TMEM132C: variants seen among roughly 807,000 people sequenced by gnomAD.
TMEM132C encodes transmembrane protein 132C, also known as protein phosphatase 1, regulatory subunit 152.
A neutral mutation model predicts 61.4 loss-of-function variants in TMEM132C; 29 were observed. The observed-to-expected ratio is 0.47, with a 90% CI of 0.35 to 0.64. TMEM132C has a LOEUF of 0.64. Ranked by LOEUF, TMEM132C falls within the 30% of genes least tolerant of loss-of-function variation. The pLI is 0.00. For missense variants in TMEM132C, 1,408 were observed against 1,476.9 expected, an observed-to-expected ratio of 0.95 and a Z score of 0.76; for synonymous variants, 656 against 633.1, an observed-to-expected ratio of 1.04 and a Z score of -0.54.
chr12:128,346,914 A>C (rs553496793), intron 1 of TMEM132C, among the ~76,000 whole-genome samples: 1 of 152,200 alleles, frequency 6.6e-6, no homozygotes, highest in South Asian at 2.1e-4. Context: ...TCTCAAAATC[A>C]GGAACTCTTT....
At chr12:128,639,684 T>G (rs1593129746) in intron 4 of TMEM132C, among the ~76,000 whole-genome samples, 1 of 152,210 alleles carries the variant, frequency 6.6e-6, no homozygotes, top group South Asian at 2.1e-4. Flanking sequence ...GGGAATAGAC[T>G]GCGGTCTTCC....
At chr12:128,594,573 C>T (rs1875880028) in intron 3 of TMEM132C, among the ~76,000 whole-genome samples, 1 of 152,194 alleles carries the variant, frequency 6.6e-6, no homozygotes. Context: ...CACCCTCCCT[C>T]CCAAGCAAGG....
chr12:128,483,712 G>A (rs2136093405), intron 2 of TMEM132C, among the ~76,000 whole-genome samples: 1 of 152,252 alleles, frequency 6.6e-6, no homozygotes, highest in East Asian at 1.9e-4. Context: ...AGAGCCCCGT[G>A]GGAAATTGTC....
intron 2 of TMEM132C, among the ~76,000 whole-genome samples, chr12:128,542,650 A>G (rs1237094590): frequency 6.6e-6 from 1 of 151,952 alleles, no homozygotes; most frequent in Non-Finnish European, 1.5e-5. Context: ...TCACAAGGTC[A>G]GGATATTGAG....
At chr12:128,651,287 G>T (rs1954267483) in intron 4 of TMEM132C, among the ~76,000 whole-genome samples, 1 of 152,182 alleles carries the variant, frequency 6.6e-6, no homozygotes, top group African/African-American at 2.4e-5. Flanking sequence ...CACATCTGCA[G>T]TTGTCTGCAG....
intron 1 of TMEM132C, among the ~76,000 whole-genome samples, chr12:128,298,311 G>A (rs1424626402): frequency 6.6e-6 from 1 of 152,198 alleles, no homozygotes; most frequent in African/African-American, 2.4e-5. Flanking sequence ...CATGTGCATT[G>A]TGTTTTGTTG....
chr12:128,284,085 G>A (rs185665819), intron 1 of TMEM132C, among the ~76,000 whole-genome samples: 20 of 152,250 alleles, frequency 1.3e-4, no homozygotes, highest in East Asian at 3.9e-4. Context: ...TTGGCAGGTC[G>A]GGGTGGTGAA....
intron 3 of TMEM132C, among the ~76,000 whole-genome samples, chr12:128,602,659 G>T (rs949920971): frequency 6.6e-6 from 1 of 152,188 alleles, no homozygotes; most frequent in Admixed American, 6.5e-5. Flanking sequence ...CATTCTTCCT[G>T]CAAGAAACTG....
chr12:128,541,808 G>A (rs538829429), intron 2 of TMEM132C, among the ~76,000 whole-genome samples: 10 of 152,122 alleles, frequency 6.6e-5, no homozygotes, highest in Admixed American at 1.3e-4. Context: ...TTGCATTTTG[G>A]TCTTAGGATG....
At chr12:128,566,791 C>T (rs1436835514) in intron 3 of TMEM132C, among the ~76,000 whole-genome samples, 1 of 152,146 alleles carries the variant, frequency 6.6e-6, no homozygotes, top group Non-Finnish European at 1.5e-5. Flanking sequence ...GTTCGGGTTC[C>T]AACATTCAAC....
intron 4 of TMEM132C, among the ~76,000 whole-genome samples, chr12:128,650,173 G>A (rs1380587924): frequency 6.6e-6 from 1 of 152,168 alleles, no homozygotes. Context: ...AGTGCAGTAG[G>A]GAAGAGGAAT....
chr12:128,336,790 C>T (rs969185221), intron 1 of TMEM132C, among the ~76,000 whole-genome samples: 1 of 152,168 alleles, frequency 6.6e-6, no homozygotes, highest in Non-Finnish European at 1.5e-5. Flanking sequence ...TTTCAGAACC[C>T]TGCATCCCTG....
chr12:128,649,429 C>T (rs1401309283), intron 4 of TMEM132C, among the ~76,000 whole-genome samples: 1 of 152,174 alleles, frequency 6.6e-6, no homozygotes, highest in Non-Finnish European at 1.5e-5. Context: ...GGATCTGGGA[C>T]ATAGACGTTT....
At chr12:128,670,775 T>C (rs1453152451) in intron 5 of TMEM132C, among the ~76,000 whole-genome samples, 1 of 152,204 alleles carries the variant, frequency 6.6e-6, no homozygotes, top group Non-Finnish European at 1.5e-5. Flanking sequence ...AAATTGGTTC[T>C]GCCTATTCTA....
chr12:128,593,953 T>G (rs1490827240), intron 3 of TMEM132C, among the ~76,000 whole-genome samples: 3 of 152,090 alleles, frequency 2.0e-5, no homozygotes, highest in African/African-American at 7.2e-5. Flanking sequence ...AGCTCCAACC[T>G]CTGGCTCTCC....
intron 4 of TMEM132C, among the ~76,000 whole-genome samples, chr12:128,622,465 G>A (rs528557248): frequency 4.1e-5 from 6 of 145,156 alleles, no homozygotes; most frequent in East Asian, 2.1e-4. Context: ...GAAGGGAGCC[G>A]TTAAGACATC....
intron 3 of TMEM132C, among the ~76,000 whole-genome samples, chr12:128,583,589 G>T (rs1490211391): frequency 6.6e-6 from 1 of 152,184 alleles, no homozygotes; most frequent in Non-Finnish European, 1.5e-5. Flanking sequence ...CTGATGCTGG[G>T]AACAGGGAAG....
intron 4 of TMEM132C, among the ~76,000 whole-genome samples, chr12:128,626,517 T>A (rs1454015249): frequency 6.8e-6 from 1 of 147,360 alleles, no homozygotes; most frequent in African/African-American, 2.6e-5. Flanking sequence ...TGATCTCGGC[T>A]CACTGCAACC....
chr12:128,445,626 C>A (rs553960037), intron 2 of TMEM132C, among the ~76,000 whole-genome samples: 1 of 152,300 alleles, frequency 6.6e-6, no homozygotes, highest in Admixed American at 6.5e-5. Flanking sequence ...CTCTGCTGAG[C>A]ACCCAGGCGG....
Sources: gnomAD v4.1 joint callset for allele counts (sites outside exome capture counted in the v4.1 genomes callset) on GRCh38, gnomAD v4.1.1 for gene constraint, MANE v1.5 for transcripts, NCBI Gene and HGNC (gene_info 2026-07-23, HGNC 2026-07-21) for gene names.